Variants in SLC67A2 observed in about 807,000 individuals in gnomAD.
SLC67A2 encodes the protein solute carrier family 67 member A2.
At chr2:102,715,194 C>G in the SLC67A2 span, among the ~76,000 whole-genome samples, 1 of 152,182 alleles carries the variant, frequency 6.6e-6, no homozygotes, top group African/African-American at 2.4e-5. Flanking sequence ...CTAGAGAGCT[C>G]TTTCTAAAAC....
At chr2:102,721,681 G>C in the SLC67A2 span, among the ~76,000 whole-genome samples, 4 of 151,528 alleles carry the variant, frequency 2.6e-5, no homozygotes, top group South Asian at 4.2e-4. Context: ...GTGTGTGTGT[G>C]TCTGTGTGTG....
chr2:102,729,630 T>C, the SLC67A2 span, among the ~76,000 whole-genome samples: 3 of 152,164 alleles, frequency 2.0e-5, no homozygotes, highest in African/African-American at 7.2e-5. Flanking sequence ...TTTATATCAT[T>C]AAGGCAATGA....
the SLC67A2 span, chr2:102,732,064 A>T: frequency 3.3e-6 from 2 of 606,550 alleles, no homozygotes; most frequent in African/African-American, 1.8e-5. Flanking sequence ...AGGCTCCATA[A>T]GTACCTGTTG....
At chr2:102,730,424 T>G in the SLC67A2 span, among the ~76,000 whole-genome samples, 1 of 151,984 alleles carries the variant, frequency 6.6e-6, no homozygotes, top group East Asian at 1.9e-4. Flanking sequence ...TCTATACACT[T>G]AAGTCTTATA....
At chr2:102,720,459 C>G in the SLC67A2 span, among the ~76,000 whole-genome samples, 1 of 152,190 alleles carries the variant, frequency 6.6e-6, no homozygotes, top group Non-Finnish European at 1.5e-5. Context: ...TTACTATAAG[C>G]AATCCACCCA....
the SLC67A2 span, chr2:102,723,847 C>A: frequency 1.9e-6 from 3 of 1,614,122 alleles, no homozygotes; most frequent in Non-Finnish European, 2.5e-6. Flanking sequence ...AGCGGCCGTT[C>A]CTTCTCTGGA....
At chr2:102,736,070 C>G in the SLC67A2 span, among the ~76,000 whole-genome samples, 1 of 152,184 alleles carries the variant, frequency 6.6e-6, no homozygotes, top group African/African-American at 2.4e-5. Flanking sequence ...GCACACACAT[C>G]ATGATGAAAC....
chr2:102,732,031 T>TAC, the SLC67A2 span: 2 of 538,536 alleles, frequency 3.7e-6, no homozygotes, highest in Non-Finnish European at 7.2e-6. Context: ...TACCCTTTTA[T>TAC]ACACACAGCC....
the SLC67A2 span, among the ~76,000 whole-genome samples, chr2:102,719,371 C>T: frequency 6.6e-6 from 1 of 152,174 alleles, no homozygotes; most frequent in Non-Finnish European, 1.5e-5. Context: ...ATTCCTATGG[C>T]TTTATTCTGA....
the SLC67A2 span, among the ~76,000 whole-genome samples, chr2:102,721,713 G>A: frequency 6.6e-6 from 1 of 151,986 alleles, no homozygotes; most frequent in Non-Finnish European, 1.5e-5. Flanking sequence ...ATATATGTAT[G>A]TCTTTATTTG....
chr2:102,732,356 G>A, the SLC67A2 span: 1 of 1,613,528 alleles, frequency 6.2e-7, no homozygotes, highest in Admixed American at 1.7e-5. Context: ...TTGCTCCAAG[G>A]GACTTGACAT....
At chr2:102,736,756 T>A in the SLC67A2 span, 1 of 1,613,698 alleles carries the variant, frequency 6.2e-7, no homozygotes, top group South Asian at 1.1e-5. Context: ...CGCTCTGCGG[T>A]CTCCGAGACC....
the SLC67A2 span, chr2:102,719,153 C>T: frequency 1.2e-6 from 2 of 1,614,156 alleles, no homozygotes; most frequent in Non-Finnish European, 1.7e-6. Context: ...CAATGGCAGG[C>T]CCTTCTCTGT....
chr2:102,718,403 A>C, the SLC67A2 span: 34 of 1,611,898 alleles, frequency 2.1e-5, no homozygotes, highest in Non-Finnish European at 2.6e-5. Flanking sequence ...TTGTTGCTTT[A>C]TGTTGTCCAA....
the SLC67A2 span, chr2:102,719,023 C>T: frequency 6.2e-7 from 1 of 1,614,240 alleles, no homozygotes. Context: ...TCATGTTCCG[C>T]AAGGCCAACA....
the SLC67A2 span, among the ~76,000 whole-genome samples, chr2:102,731,279 G>T: frequency 1.3e-5 from 2 of 151,484 alleles, no homozygotes; most frequent in African/African-American, 4.9e-5. Context: ...TCTAACAAAA[G>T]GTTTTCAAAA....
the SLC67A2 span, among the ~76,000 whole-genome samples, chr2:102,731,737 A>T: frequency 6.6e-6 from 1 of 152,248 alleles, no homozygotes; most frequent in Non-Finnish European, 1.5e-5. Context: ...TGAATGATCA[A>T]GAGCTGTTAG....
At chr2:102,727,005 C>T in the SLC67A2 span, 2 of 1,604,998 alleles carry the variant, frequency 1.2e-6, no homozygotes, top group Admixed American at 1.7e-5. Context: ...CCCTTGGACC[C>T]CATTCACAGT....
chr2:102,725,964 C>A, the SLC67A2 span, among the ~76,000 whole-genome samples: 1 of 152,140 alleles, frequency 6.6e-6, no homozygotes, highest in African/African-American at 2.4e-5. Context: ...AAGAGAGACA[C>A]TGAAACTCCT....
Sources: gnomAD v4.1 joint callset for allele counts (sites outside exome capture counted in the v4.1 genomes callset) on GRCh38, gnomAD v4.1.1 for gene constraint, MANE v1.5 for transcripts, NCBI Gene and HGNC (gene_info 2026-07-23, HGNC 2026-07-21) for gene names.